ZNF550: variants seen among roughly 807,000 people sequenced by gnomAD.
ZNF550 encodes zinc finger protein 550.
A neutral mutation model predicts 40.2 loss-of-function variants in ZNF550; 42 were observed. The ratio of observed to expected loss-of-function variants is 1.05; its 90% CI spans 0.82 to 1.35. ZNF550 has a LOEUF of 1.35. ZNF550 is among the 40% of genes most tolerant of loss of function. The pLI, the probability that ZNF550 is intolerant of heterozygous loss-of-function variation, is 0.00. For synonymous variants in ZNF550, 223 were observed against 198.6 expected (o/e 1.12, Z -1.03); for missense variants, 549 against 525.2 (o/e 1.05, Z -0.44).
chr19:57,551,689 G>C (rs2090073882), intron 3 of ZNF550, among the ~76,000 whole-genome samples: 1 of 152,154 alleles, frequency 6.6e-6, no homozygotes, highest in East Asian at 1.9e-4. Flanking sequence ...GGAATGGGAA[G>C]GGAGGTATTT....
At chr19:57,556,123 G>A in intron 2 of ZNF550, 108 bp downstream of exon 2, 1 of 1,424,828 alleles carries the variant, frequency 7.0e-7, no homozygotes, top group Non-Finnish European at 9.9e-7. Flanking sequence ...AGGAAGAGGT[G>A]GGAACAGAAA....
chr19:57,544,323 C>T, intron 4 of ZNF550: 1 of 985,362 alleles, frequency 1.0e-6, no homozygotes, highest in Non-Finnish European at 1.2e-6. Context: ...TAAGAAAAAC[C>T]TAGGGTGTCC....
intron 4 of ZNF550, chr19:57,543,458 G>T: frequency 5.9e-6 from 2 of 339,500 alleles, no homozygotes; most frequent in Non-Finnish European, 8.3e-6. Context: ...CCGACTTGCC[G>T]AGTTAATTTA....
intron 4 of ZNF550, among the ~76,000 whole-genome samples, chr19:57,545,154 G>A (rs926387490): frequency 1.8e-4 from 27 of 152,168 alleles, no homozygotes; most frequent in Non-Finnish European, 3.7e-4. Flanking sequence ...CATATTCAGT[G>A]CTAGCACCAA....
exon 2 of ZNF550, chr19:57,556,310 C>T (rs377138309): frequency 2.5e-6 from 4 of 1,614,138 alleles, no homozygotes; most frequent in Non-Finnish European, 3.4e-6. Flanking sequence ...GCTGTCTCCA[C>T]TCCTCCCGGG....
At chr19:57,544,859 C>T (rs1396621586) in intron 4 of ZNF550, among the ~76,000 whole-genome samples, 1 of 152,196 alleles carries the variant, frequency 6.6e-6, no homozygotes, top group Non-Finnish European at 1.5e-5. Context: ...CAGTGGCTCA[C>T]ACCTGTAATC....
chr19:57,556,240 C>T, exon 2 of ZNF550: 1 of 1,614,000 alleles, frequency 6.2e-7, no homozygotes, highest in South Asian at 1.1e-5. Flanking sequence ...CCTAGTGAAA[C>T]CAGAAGCCCA....
At chr19:57,543,249 A>C in intron 4 of ZNF550, 1 of 935,238 alleles carries the variant, frequency 1.1e-6, no homozygotes, top group Non-Finnish European at 1.3e-6. Flanking sequence ...TTTTTCTGAA[A>C]TTATAAAATT....
intron 1 of ZNF550, among the ~76,000 whole-genome samples, chr19:57,558,307 G>T (rs2090140002): frequency 6.6e-6 from 1 of 152,220 alleles, no homozygotes; most frequent in African/African-American, 2.4e-5. Flanking sequence ...TTCCCTGGAT[G>T]AATGCAGTGA....
At chr19:57,543,488 G>T in intron 4 of ZNF550, 1 of 455,692 alleles carries the variant, frequency 2.2e-6, no homozygotes, top group Non-Finnish European at 2.9e-6. Context: ...TTTCCTCTGT[G>T]ACATTTACTG....
chr19:57,560,148 C>G (rs1314117049), upstream of ZNF550, among the ~76,000 whole-genome samples: 2 of 152,324 alleles, frequency 1.3e-5, no homozygotes, highest in South Asian at 4.1e-4. Context: ...GGGGCCCTGC[C>G]ACGAGGTTCC....
exon 4 of ZNF550, chr19:57,547,206 C>G (rs1219498717): frequency 6.2e-7 from 1 of 1,613,612 alleles, no homozygotes; most frequent in East Asian, 2.2e-5. Context: ...TTCCACATGC[C>G]ATGCAATCAT....
chr19:57,557,643 T>A (rs1169571776), intron 1 of ZNF550: 1 of 152,106 alleles, frequency 6.6e-6, no homozygotes, highest in Admixed American at 6.6e-5. Context: ...CTTTTCTCAG[T>A]CTCTCATCTC....
chr19:57,558,079 C>T (rs552924848), intron 1 of ZNF550, among the ~76,000 whole-genome samples: 1 of 152,332 alleles, frequency 6.6e-6, no homozygotes, highest in East Asian at 1.9e-4. Context: ...CACAGCCTCA[C>T]ATTTAAAAAG....
At chr19:57,561,108 T>A (rs1012423118), upstream of ZNF550, among the ~76,000 whole-genome samples, 10 of 152,228 alleles carry the variant, frequency 6.6e-5, no homozygotes, top group African/African-American at 1.9e-4. The surrounding 1 kb of genome is among the most constrained non-coding windows in gnomAD (Gnocchi z 4.9). Flanking sequence ...CTTTCTCTTA[T>A]TTTGGGTTTT....
At position 57,552,622 on chromosome 19, in the gene ZNF550, C is replaced by A. The variant is rs2090082351; in HGVS notation, c.250+5G>T. 6.3e-7 allele frequency: 1 copy of A among 1,594,148 alleles called. No individual in the cohort carries two copies. Among genetic ancestry groups the A allele is most frequent in the Non-Finnish European group, 8.5e-7 (1 of 1,177,258 alleles). On this transcript the variant is annotated splice_donor_5th_base_variant and intron_variant, in intron 3 of 4. Coordinates refer to ENST00000457177, the Ensembl canonical transcript of ZNF550. ...ACTCCACATGACCAGCTGGTGGCTG[C>A]TTACCTGCACAGGTAGCATGTGAGA...
chr19:57,557,210 C>T (rs2090130270), intron 1 of ZNF550: 1 of 151,896 alleles, frequency 6.6e-6, no homozygotes, highest in South Asian at 2.1e-4. Context: ...CTGTCTCCTG[C>T]TTGTCCCTGG....
chr19:57,547,694 C>A lies in ZNF550; in HGVS notation c.550G>T (p.Glu184Ter), dbSNP rs888316884. The A allele has an allele frequency of 6.2e-6, 10 of 1,614,200 alleles. No homozygotes were observed. Among genetic ancestry groups the A allele is most frequent in the Non-Finnish European group, 6.8e-6 (8 of 1,180,038 alleles). ...TTCCCTGGTTGCTGTGAGTCACATT[C>A]ATGGAGAACATCTGCTGATAACCAC... Residue 184 changes from glutamate (E) to a stop codon, truncating the protein, a stop_gained, in exon 4 of 5, where the codon GAA becomes TAA. Transcript: ENST00000457177. LOFTEE classifies it high-confidence loss of function.
chr19:57,553,978 C>T (rs1379396904), intron 2 of ZNF550: 1 of 152,266 alleles, frequency 6.6e-6, no homozygotes, highest in Non-Finnish European at 1.5e-5. Flanking sequence ...GAGTTCTAAA[C>T]CAGCCTGGCC....
Sources: allele counts gnomAD v4.1 joint callset (sites outside exome capture counted in the v4.1 genomes callset), GRCh38; gene constraint gnomAD v4.1.1; non-coding constraint Gnocchi (gnomAD v3.1); transcripts MANE v1.5; gene names NCBI Gene and HGNC (gene_info 2026-07-23, HGNC 2026-07-21).